GOLIM4: variants seen among roughly 807,000 people sequenced by gnomAD.
GOLIM4 encodes 130 kDa golgi-localized phosphoprotein.
In GOLIM4, 71 loss-of-function variants were observed where a neutral mutation model predicts 107.4. The observed-to-expected ratio is 0.66, with a 90% CI of 0.55 to 0.81. The LOEUF (loss-of-function observed/expected upper bound fraction) is 0.81, where lower values mean the gene tolerates loss of function less well. Among genes scored for constraint, GOLIM4 ranks in the 30% least tolerant of loss-of-function variants. The pLI, the probability that GOLIM4 is intolerant of heterozygous loss-of-function variation, is 0.00. For missense variants in GOLIM4, 830 were observed against 826.1 expected (o/e 1.00, Z -0.06); for synonymous variants, 327 against 294.8 (o/e 1.11, Z -1.12).
At chr3:168,040,737 T>C (rs746789386) in intron 7 of GOLIM4, 49 bp downstream of exon 7, 4 of 1,193,202 alleles carry the variant, frequency 3.4e-6, no homozygotes, top group South Asian at 1.3e-5. Context: ...AATTGAGAAA[T>C]GTTAAGCAGA....
Position 168,032,837 on chromosome 3 carries a change from C to T in GOLIM4, c.859G>A (p.Asp287Asn), listed in dbSNP as rs995259977. ...ACTGCTTCATGGTTCTGCCACACAT[C>T]ATTATTTCGAGACACCTAGGCCAAG... ...REVQEVSRNN[D>N]VWQNHEAVPG... is the part of the protein sequence containing the mutation. The change falls in exon 9 of 16, where the codon GAT (aspartate) becomes AAT (asparagine). Residue 287 changes from aspartate to asparagine, a missense_variant. Physicochemically the swap from Asp to Asn is conservative, Grantham distance 23. Coordinates refer to ENST00000470487, the MANE Select transcript of GOLIM4 (RefSeq NM_014498.5). 1 of 1,611,358 alleles carries T rather than the reference C, an allele frequency of 6.2e-7. No homozygotes were observed. The highest frequency in any genetic ancestry group is 1.3e-5 in the African/African-American group (1 of 74,844).
chr3:168,044,645 T>A (rs1206208529), intron 4 of GOLIM4, among the ~76,000 whole-genome samples, 183 bp downstream of exon 4: 1 of 151,956 alleles, frequency 6.6e-6, no homozygotes, highest in Non-Finnish European at 1.5e-5. Flanking sequence ...TGTAATCGAG[T>A]GATAAATACG....
At chr3:168,044,661 C>T (rs1007708200) in intron 4 of GOLIM4, among the ~76,000 whole-genome samples, 167 bp downstream of exon 4, 3 of 151,930 alleles carry the variant, frequency 2.0e-5, no homozygotes, top group Non-Finnish European at 4.4e-5. Context: ...ATACGACAAG[C>T]CATTACAACT....
At chr3:168,029,750 T>C in intron 10 of GOLIM4, 30 bp downstream of exon 10, 2 of 1,607,606 alleles carry the variant, frequency 1.2e-6, no homozygotes, top group Non-Finnish European at 1.7e-6. Context: ...GCAGGGGCTG[T>C]CTTCGTTCAT....
intron 1 of GOLIM4, among the ~76,000 whole-genome samples, chr3:168,063,607 A>C (rs772707085): frequency 6.6e-6 from 1 of 151,976 alleles, no homozygotes; most frequent in African/African-American, 2.4e-5. Flanking sequence ...AATCACTATC[A>C]CTGCATAGCA....
At chr3:168,070,714 C>CA (rs1214412531) in intron 1 of GOLIM4, among the ~76,000 whole-genome samples, 5 of 151,976 alleles carry the variant, frequency 3.3e-5, no homozygotes, top group African/African-American at 1.2e-4. Context: ...GAAGTTCAAA[C>CA]AAAAAAGAAA....
At position 168,010,042 on chromosome 3, in the gene GOLIM4, T is replaced by C. The variant is rs542534017; in HGVS notation, c.*227A>G. On this transcript the variant is annotated 3_prime_UTR_variant, in exon 16 of 16. Coordinates refer to ENST00000470487, the MANE Select transcript of GOLIM4 (RefSeq NM_014498.5). ...GACGTGGGGGCTCAGGTTTACTTTA[T>C]TGTTTTTCTTCTTTTTCATGTTTAG... The C allele has an allele frequency of 1.3e-5, 5 of 374,348 alleles. No homozygotes were observed. The highest frequency in any genetic ancestry group is 1.0e-4 in the South Asian group (1 of 9,758). The allele number at this position is 374,348 out of a possible 1,614,324, so 23.2% of individuals were successfully genotyped here.
At chr3:168,034,136 A>G (rs754707264) in intron 8 of GOLIM4, among the ~76,000 whole-genome samples, 5 of 151,864 alleles carry the variant, frequency 3.3e-5, no homozygotes, top group Non-Finnish European at 7.4e-5. Context: ...TTTGAGGACA[A>G]CTGGAGTTGC....
chr3:168,068,858 C>CA (rs1720690947), intron 1 of GOLIM4, among the ~76,000 whole-genome samples: 1 of 146,702 alleles, frequency 6.8e-6, no homozygotes, highest in Admixed American at 6.9e-5. Flanking sequence ...TTTTTTGAGA[C>CA]AGAGTTTCAC....
At position 168,092,754 on chromosome 3, in the gene GOLIM4, A is replaced by G. The variant is rs574993509; in HGVS notation, c.187+2345T>C. On this transcript the variant is annotated intron_variant, in intron 1 of 15. Transcript: ENST00000470487. ...CATTTGTCTTGGAAAAGGGAAGCAA[A>G]AGTTGCATACCACCAGAAAATGTAC... Among the ~76,000 whole-genome samples, 8 of 152,292 alleles carry G rather than the reference A, an allele frequency of 5.3e-5. No individual in the cohort carries two copies. The East Asian group carries it at 1.4e-3, about 26-fold the overall frequency.
At chr3:168,038,407 G>T (rs548293006) in intron 7 of GOLIM4, among the ~76,000 whole-genome samples, 1 of 152,234 alleles carries the variant, frequency 6.6e-6, no homozygotes, top group East Asian at 1.9e-4. Context: ...CCCTACTCTT[G>T]AAATTATAAT....
At chr3:168,029,674 T>G in intron 10 of GOLIM4, 106 bp downstream of exon 10, 1 of 1,280,568 alleles carries the variant, frequency 7.8e-7, no homozygotes, top group Non-Finnish European at 1.1e-6. Context: ...TTGAGCAATA[T>G]GAGCCCCTTA....
At chr3:168,046,061 T>C (rs920894061) in intron 3 of GOLIM4, among the ~76,000 whole-genome samples, 2 of 152,172 alleles carry the variant, frequency 1.3e-5, no homozygotes, top group African/African-American at 4.8e-5. Flanking sequence ...TTTTGTACTT[T>C]GAAGTCTTGC....
chr3:168,035,132 T>C (rs1158446479), intron 8 of GOLIM4, among the ~76,000 whole-genome samples: 1 of 151,252 alleles, frequency 6.6e-6, no homozygotes. Flanking sequence ...TCAGAAGAGC[T>C]ATTATTAAAA....
chr3:168,049,069 T>G (rs1187964231), intron 1 of GOLIM4, among the ~76,000 whole-genome samples: 1 of 152,230 alleles, frequency 6.6e-6, no homozygotes, highest in Non-Finnish European at 1.5e-5. Context: ...TTCGGTTCTG[T>G]AAGACCTTTC....
rs535966498 is a variant in GOLIM4 at position 168,011,656 on chromosome 3, G to T, written c.1861-833C>A. ...CTTAAATGTCCCTGTCTGACAGCTT[G>T]GAAGAGAGCAGTGGTTCTCCCAGCA... is the stretch of plus-strand genomic sequence containing the variant. On this transcript the variant is annotated intron_variant, in intron 14 of 15. Coordinates refer to ENST00000470487, the MANE Select transcript of GOLIM4 (RefSeq NM_014498.5). 2.4e-3 allele frequency among the ~76,000 whole-genome samples: 357 copies of T among 150,508 alleles called. 1 individual carries two copies. The highest frequency in any genetic ancestry group is 3.6e-3 in the Non-Finnish European group (246 of 67,976).
chr3:168,015,514 T>C (rs1717313232), intron 14 of GOLIM4, among the ~76,000 whole-genome samples: 1 of 137,190 alleles, frequency 7.3e-6, no homozygotes, highest in Non-Finnish European at 1.5e-5. Context: ...TACCAATGCC[T>C]TTCTTCACAG....
intron 1 of GOLIM4, among the ~76,000 whole-genome samples, chr3:168,080,033 T>G (rs73878635): frequency 0.046 from 7,036 of 152,264 alleles, 471 homozygotes; most frequent in African/African-American, 0.15. Flanking sequence ...ATAAAATCTC[T>G]TTTCTGTCAT....
chr3:168,020,279 T>C (rs780513543), intron 14 of GOLIM4, among the ~76,000 whole-genome samples: 6 of 152,172 alleles, frequency 3.9e-5, no homozygotes, highest in Non-Finnish European at 8.8e-5. Context: ...GGTTAGAAAG[T>C]CTTTAGCAAA....
Sources: gnomAD v4.1 joint callset for allele counts (sites outside exome capture counted in the v4.1 genomes callset) on GRCh38, gnomAD v4.1.1 for gene constraint, MANE v1.5 for transcripts, NCBI Gene and HGNC (gene_info 2026-07-23, HGNC 2026-07-21) for gene names.